CNTLN: variants seen among roughly 807,000 people sequenced by gnomAD.
The protein encoded by CNTLN is centlein.
In CNTLN, 212 loss-of-function variants were observed where a neutral mutation model predicts 180.0. The ratio of observed to expected loss-of-function variants is 1.18; its 90% CI spans 1.05 to 1.32. CNTLN has a LOEUF of 1.32. Among genes scored for constraint, CNTLN ranks in the 40% most tolerant of loss-of-function variants. The pLI is 0.00. For missense variants in CNTLN, 2,095 were observed against 1,610.9 expected, an observed-to-expected ratio of 1.30 and a Z score of -5.14; for synonymous variants, 722 against 563.1, an observed-to-expected ratio of 1.28 and a Z score of -3.99.
At chr9:17,158,565 G>GT (rs937261700) in intron 2 of CNTLN, among the ~76,000 whole-genome samples, 4 of 151,876 alleles carry the variant, frequency 2.6e-5, no homozygotes, top group Non-Finnish European at 5.9e-5. Flanking sequence ...CTTGTTATAG[G>GT]TTGATTCAGA....
chr9:17,516,334 T>G, the CNTLN span, among the ~76,000 whole-genome samples: 1 of 152,204 alleles, frequency 6.6e-6, no homozygotes, highest in African/African-American at 2.4e-5. Flanking sequence ...ATAACTTTGC[T>G]CACCCATTGC....
chr9:17,388,405 G>A, intron 14 of CNTLN, 152 bp downstream of exon 14: 24 of 547,694 alleles, frequency 4.4e-5, no homozygotes, highest in Admixed American at 8.8e-5. Context: ...GCCAAAATGG[G>A]GTAAAAAAAA....
rs1348867802 is a variant in CNTLN at position 17,142,849 on chromosome 9, T to C, written c.361-439T>C. On this transcript the variant is annotated intron_variant, in intron 1 of 25. Transcript: ENST00000380647. ...ACCCATTGTCCTTTGGATTTGGCAA[T>C]ATAGAGGACCTTGAATAATGATTTT... Among the ~76,000 whole-genome samples the C allele has an allele frequency of 2.5e-4, 38 of 152,178 alleles. 3 individuals are homozygous for C. The highest frequency in any genetic ancestry group is 2.2e-3 in the Admixed American group (33 of 15,284).
chr9:17,367,370 T>C (rs1583987), intron 13 of CNTLN, among the ~76,000 whole-genome samples: 87,822 of 151,882 alleles, frequency 0.58, 25,792 homozygotes, highest in East Asian at 0.73. Flanking sequence ...CAAGCCTCAT[T>C]ACCACAGGAC....
At chr9:17,142,637 C>T (rs1818182876) in intron 1 of CNTLN, among the ~76,000 whole-genome samples, 1 of 152,078 alleles carries the variant, frequency 6.6e-6, no homozygotes, top group Non-Finnish European at 1.5e-5. Flanking sequence ...TCACCTAGGG[C>T]AGTGGTTCTC....
chr9:17,264,649 C>G (rs958021919), intron 5 of CNTLN, among the ~76,000 whole-genome samples: 1 of 152,118 alleles, frequency 6.6e-6, no homozygotes. Flanking sequence ...TGGCCATTTT[C>G]ACGATATTGA....
chr9:17,482,197 G>T (rs1283143872), intron 23 of CNTLN, among the ~76,000 whole-genome samples: 3 of 151,936 alleles, frequency 2.0e-5, no homozygotes, highest in Non-Finnish European at 4.4e-5. Flanking sequence ...ACCAAATTAG[G>T]AAGACAACAC....
intron 2 of CNTLN, among the ~76,000 whole-genome samples, chr9:17,209,500 C>G (rs1216708056): frequency 1.3e-5 from 2 of 152,176 alleles, no homozygotes; most frequent in Admixed American, 1.3e-4. Flanking sequence ...ATGATTCTGT[C>G]TAATGCTGGA....
intron 5 of CNTLN, among the ~76,000 whole-genome samples, chr9:17,244,366 T>C (rs1484616403): frequency 1.3e-5 from 2 of 151,872 alleles, no homozygotes; most frequent in African/African-American, 2.4e-5. Flanking sequence ...CATATACCAC[T>C]ATATCTGGCT....
intron 13 of CNTLN, among the ~76,000 whole-genome samples, chr9:17,386,909 G>A (rs1825726820): frequency 6.6e-6 from 1 of 152,192 alleles, no homozygotes; most frequent in Non-Finnish European, 1.5e-5. Flanking sequence ...CTATACTGCT[G>A]AAAGATTGCT....
At chr9:17,350,193 G>C (rs1822245725) in intron 12 of CNTLN, among the ~76,000 whole-genome samples, 1 of 152,204 alleles carries the variant, frequency 6.6e-6, no homozygotes, top group South Asian at 2.1e-4. Flanking sequence ...AGAAAATTAA[G>C]CTTCTCTAAT....
At chr9:17,180,296 T>C (rs1287139945) in intron 2 of CNTLN, among the ~76,000 whole-genome samples, 1 of 148,350 alleles carries the variant, frequency 6.7e-6, no homozygotes, top group Non-Finnish European at 1.5e-5. Context: ...GATTTATCTG[T>C]ATTGGTTTTG....
chr9:17,348,668 T>TA (rs1822118924), intron 12 of CNTLN, among the ~76,000 whole-genome samples: 1 of 151,910 alleles, frequency 6.6e-6, no homozygotes, highest in South Asian at 2.1e-4. Context: ...GTAGCTGGGA[T>TA]TATAGGCATG....
intron 13 of CNTLN, among the ~76,000 whole-genome samples, chr9:17,385,267 T>C (rs1354477183): frequency 1.3e-5 from 2 of 152,210 alleles, no homozygotes; most frequent in East Asian, 3.8e-4. Context: ...GAGTTTGTTA[T>C]GGAGCTTCCA....
chr9:17,315,894 A>G lies in CNTLN; in HGVS notation c.1341+6642A>G, dbSNP rs574934576. On this transcript the variant is annotated intron_variant, in intron 8 of 25. Coordinates refer to ENST00000380647, the MANE Select transcript of CNTLN (RefSeq NM_017738.4). ...TAGATTTTCTCTACCTATTCTATCAATTACTAAGAGAGATGTTGAATTTTT... is the reference window on the plus strand; with the variant it reads ...TAGATTTTCTCTACCTATTCTATCAGTTACTAAGAGAGATGTTGAATTTTT... Among the ~76,000 whole-genome samples the G allele has an allele frequency of 9.2e-5, 14 of 152,020 alleles. No individual in the cohort carries two copies. In the South Asian group the frequency reaches 1.0e-3, roughly 11 times the overall value.
intron 10 of CNTLN, among the ~76,000 whole-genome samples, chr9:17,338,974 C>CT (rs893422276): frequency 3.9e-5 from 6 of 152,118 alleles, no homozygotes; most frequent in Non-Finnish European, 7.4e-5. Context: ...GAGGTTTTTA[C>CT]TTTTACTTCA....
intron 6 of CNTLN, among the ~76,000 whole-genome samples, chr9:17,288,247 G>A (rs1476276749): frequency 1.7e-5 from 2 of 120,340 alleles, no homozygotes. Context: ...CTTTATTGCT[G>A]CCTTCATTTC....
chr9:17,414,089 T>A (rs1189645509), intron 16 of CNTLN, among the ~76,000 whole-genome samples: 1 of 152,152 alleles, frequency 6.6e-6, no homozygotes, highest in Non-Finnish European at 1.5e-5. Flanking sequence ...AAATTTCTCA[T>A]CTTGGATTGT....
intron 2 of CNTLN, among the ~76,000 whole-genome samples, chr9:17,177,882 C>A (rs147163294): frequency 6.6e-6 from 1 of 152,100 alleles, no homozygotes; most frequent in Non-Finnish European, 1.5e-5. Flanking sequence ...GCTCAGGCAG[C>A]GGTGCTTTTA....
Sources: allele counts gnomAD v4.1 joint callset (sites outside exome capture counted in the v4.1 genomes callset), GRCh38; gene constraint gnomAD v4.1.1; transcripts MANE v1.5; gene names NCBI Gene and HGNC (gene_info 2026-07-23, HGNC 2026-07-21).